The following ARB2A variants were observed in gnomAD, a reference collection of about 807,000 sequenced individuals.
ARB2A encodes the protein cotranscriptional regulator ARB2A.
the ARB2A span, among the ~76,000 whole-genome samples, chr5:93,677,386 C>A: frequency 3.9e-5 from 6 of 152,212 alleles, no homozygotes; most frequent in Non-Finnish European, 5.9e-5. Context: ...CTCAAGTGGG[C>A]TGACTTCAAG....
At chr5:93,995,566 G>A in the ARB2A span, among the ~76,000 whole-genome samples, 1 of 152,082 alleles carries the variant, frequency 6.6e-6, no homozygotes, top group African/African-American at 2.4e-5. Flanking sequence ...TTATTTTATT[G>A]GTAAGGCTCC....
the ARB2A span, among the ~76,000 whole-genome samples, chr5:94,100,048 G>A: frequency 6.6e-6 from 1 of 152,130 alleles, no homozygotes; most frequent in Non-Finnish European, 1.5e-5. Context: ...CCCATGGTCT[G>A]AGCCCAAAAG....
At chr5:93,707,971 T>G in the ARB2A span, among the ~76,000 whole-genome samples, 2 of 152,242 alleles carry the variant, frequency 1.3e-5, no homozygotes, top group Admixed American at 6.5e-5. Flanking sequence ...CAACTTTTAT[T>G]GTAAAAATGT....
the ARB2A span, among the ~76,000 whole-genome samples, chr5:93,940,003 T>C: frequency 6.6e-6 from 1 of 152,026 alleles, no homozygotes; most frequent in Non-Finnish European, 1.5e-5. Flanking sequence ...ATCTGTGCTC[T>C]TCATTATTAA....
the ARB2A span, among the ~76,000 whole-genome samples, chr5:93,947,050 C>G: frequency 6.6e-6 from 1 of 152,074 alleles, no homozygotes; most frequent in Admixed American, 6.6e-5. Context: ...TTCCTTAACT[C>G]TAGCTTTCAA....
the ARB2A span, among the ~76,000 whole-genome samples, chr5:94,058,052 G>A: frequency 6.6e-6 from 1 of 151,920 alleles, no homozygotes; most frequent in Non-Finnish European, 1.5e-5. Flanking sequence ...CAAGGACAGG[G>A]AAAGCAGCAG....
At chr5:93,645,596 T>C in the ARB2A span, among the ~76,000 whole-genome samples, 4 of 138,162 alleles carry the variant, frequency 2.9e-5, no homozygotes, top group Non-Finnish European at 6.3e-5. Flanking sequence ...AAAAAAGAAA[T>C]AGAGAAAATG....
At chr5:93,947,511 T>TTTTTTATTA in the ARB2A span, among the ~76,000 whole-genome samples, 40 of 150,216 alleles carry the variant, frequency 2.7e-4, 1 homozygote, top group African/African-American at 9.1e-4. Flanking sequence ...GTATCTTCTT[T>TTTTTTATTA]TTATTATTAT....
At chr5:93,737,499 T>C in the ARB2A span, 241 of 152,526 alleles carry the variant, frequency 1.6e-3, 9 homozygotes, top group East Asian at 0.036. Context: ...ACATATGGCA[T>C]GTATATATAT....
the ARB2A span, among the ~76,000 whole-genome samples, chr5:93,998,613 T>C: frequency 2.0e-5 from 3 of 151,960 alleles, no homozygotes; most frequent in Non-Finnish European, 2.9e-5. Flanking sequence ...ACATACCAGA[T>C]GAACATAAAA....
chr5:93,766,715 T>C, the ARB2A span, among the ~76,000 whole-genome samples: 1 of 152,188 alleles, frequency 6.6e-6, no homozygotes, highest in Admixed American at 6.5e-5. Context: ...TTATAAATCA[T>C]GCTGCTATAA....
chr5:93,897,346 A>T, the ARB2A span, among the ~76,000 whole-genome samples: 1 of 152,002 alleles, frequency 6.6e-6, no homozygotes, highest in African/African-American at 2.4e-5. Context: ...GGATCTCAAC[A>T]TGGTATAATT....
chr5:93,793,847 G>A, the ARB2A span, among the ~76,000 whole-genome samples: 1 of 152,170 alleles, frequency 6.6e-6, no homozygotes, highest in Non-Finnish European at 1.5e-5. Context: ...TTACAGACTT[G>A]CATAACCCCT....
the ARB2A span, among the ~76,000 whole-genome samples, chr5:94,026,666 A>T: frequency 5.1e-3 from 783 of 152,306 alleles, 5 homozygotes; most frequent in Non-Finnish European, 7.5e-3. Context: ...GATCAATCAG[A>T]GTAAAGTACG....
the ARB2A span, chr5:93,741,684 G>GTGCC: frequency 8.3e-7 from 1 of 1,198,440 alleles, no homozygotes; most frequent in Non-Finnish European, 1.1e-6. Context: ...CAAGCCAAGG[G>GTGCC]TGCCTGTGCG....
At chr5:93,805,004 A>C in the ARB2A span, 2 of 978,884 alleles carry the variant, frequency 2.0e-6, no homozygotes, top group South Asian at 9.5e-5. Context: ...TTCAGTAGTC[A>C]AACAGAAAAA....
chr5:93,924,932 G>A, the ARB2A span, among the ~76,000 whole-genome samples: 1 of 152,124 alleles, frequency 6.6e-6, no homozygotes, highest in Admixed American at 6.5e-5. Context: ...CTCTCAAGGA[G>A]TATAAAATAA....
the ARB2A span, among the ~76,000 whole-genome samples, chr5:93,777,871 G>T: frequency 9.2e-5 from 14 of 152,188 alleles, no homozygotes; most frequent in Admixed American, 6.5e-5. Context: ...CTTTTGAATA[G>T]ATTTGTCAAG....
the ARB2A span, chr5:93,735,547 T>C: frequency 6.6e-6 from 1 of 152,182 alleles, no homozygotes; most frequent in Non-Finnish European, 1.5e-5. Context: ...ATCAGAGTTG[T>C]TTATTCTGGC....
Sources: allele counts gnomAD v4.1 joint callset (sites outside exome capture counted in the v4.1 genomes callset), GRCh38; gene constraint gnomAD v4.1.1; transcripts MANE v1.5; gene names NCBI Gene and HGNC (gene_info 2026-07-23, HGNC 2026-07-21).